Variants in DIP2B observed in about 807,000 individuals in gnomAD.
DIP2B encodes DIP2 acetate--CoA ligase B (putative), also known as disco-interacting protein 2 homolog B.
A neutral mutation model predicts 198.0 loss-of-function variants in DIP2B; 76 were observed. That is an observed-to-expected ratio of 0.38 (90% confidence interval 0.32 to 0.46). DIP2B has a LOEUF of 0.46. Ranked by LOEUF, DIP2B falls within the 20% of genes least tolerant of loss-of-function variation. The pLI is 0.99. For synonymous variants in DIP2B, 701 were observed against 739.1 expected (o/e 0.95, Z 0.84); for missense variants, 1,559 against 1,978.4 (o/e 0.79, Z 4.02).
rs761857339 is a variant in DIP2B at position 50,739,401 on chromosome 12, T to G, written c.4177-8T>G. 1.2e-6 allele frequency: 2 copies of G among 1,600,750 alleles called. No individual in the cohort carries two copies. The highest frequency in any genetic ancestry group is 1.7e-6 in the Non-Finnish European group (2 of 1,168,512). The stretch of plus-strand genomic sequence containing the variant: ...CAGTGAGTTGTGATCAAAGCACTTT[T>G]CTTGTAGATTTGGGTGAACAGTCCC... On this transcript the variant is annotated splice_polypyrimidine_tract_variant and splice_region_variant and intron_variant, in intron 35 of 37. Transcript: ENST00000301180.
intron 1 of DIP2B, among the ~76,000 whole-genome samples, chr12:50,577,394 C>T (rs1300991433): frequency 1.3e-5 from 2 of 151,926 alleles, no homozygotes; most frequent in South Asian, 2.1e-4. Context: ...TTTAGCCAGG[C>T]GTGGTGGCGG....
At chr12:50,644,995 C>T in intron 3 of DIP2B, among the ~76,000 whole-genome samples, 1 of 152,044 alleles carries the variant, frequency 6.6e-6, no homozygotes, top group Non-Finnish European at 1.5e-5. Flanking sequence ...ATTTTTCCTT[C>T]TAATATAAGG....
chr12:50,530,328 C>A (rs1958205287), intron 1 of DIP2B, among the ~76,000 whole-genome samples: 1 of 152,204 alleles, frequency 6.6e-6, no homozygotes, highest in Non-Finnish European at 1.5e-5. Flanking sequence ...GATCTGCCCG[C>A]CTCAGCCTCC....
In DIP2B at chr12:50,728,591, T is replaced by C; in HGVS notation, c.3554T>C (p.Leu1185Pro). The change falls in exon 30 of 38, where the codon CTC becomes CCC. Residue 1185 changes from leucine to proline, a missense_variant. By Grantham distance (98) the Leu-to-Pro change is moderately conservative. Transcript: ENST00000301180. ...AACGCTCTGTGTCGAGCCATCAAGC[T>C]CCAGTGTGAGTTGTACTCTTCTCGG... ...AVNALCRAIK[L>P]QCELYSSRQI... 6.2e-7 allele frequency: 1 copy of C among 1,614,164 alleles called. No individual in the cohort carries two copies. Among genetic ancestry groups the C allele is most frequent in the Non-Finnish European group, 8.5e-7 (1 of 1,180,014 alleles).
At chr12:50,531,104 G>C (rs11169480) in intron 1 of DIP2B, among the ~76,000 whole-genome samples, 37,226 of 152,126 alleles carry the variant, frequency 0.24, 5,342 homozygotes, top group East Asian at 0.37. Context: ...GGAGTGCGGT[G>C]GCGCAATCTC....
chr12:50,522,701 A>G (rs1285584059), intron 1 of DIP2B, among the ~76,000 whole-genome samples: 1 of 152,194 alleles, frequency 6.6e-6, no homozygotes, highest in African/African-American at 2.4e-5. Context: ...TCCTGCTTGT[A>G]TATACATAGT....
Position 50,689,962 on chromosome 12 carries a change from A to G in DIP2B, c.1552-1087A>G, listed in dbSNP as rs141294903. 1.2e-4 allele frequency among the ~76,000 whole-genome samples: 18 copies of G among 152,306 alleles called. No homozygotes were observed. The East Asian group carries it at 3.5e-3, about 29-fold the overall frequency. ...ATGCAAAATGTCCTTTTGATATAAC[A>G]ATCAAAAAATTGGGGCTGGTCCTAA... On this transcript the variant is annotated intron_variant, in intron 12 of 37. Coordinates refer to ENST00000301180, the MANE Select transcript of DIP2B (RefSeq NM_173602.3).
chr12:50,638,080 A>G (rs1277193933), intron 2 of DIP2B, among the ~76,000 whole-genome samples: 1 of 152,356 alleles, frequency 6.6e-6, no homozygotes, highest in South Asian at 2.1e-4. Flanking sequence ...GGTGACCTCT[A>G]GTGGATATTC....
At chr12:50,673,317 A>C (rs534108229) in intron 5 of DIP2B, among the ~76,000 whole-genome samples, 1 of 152,346 alleles carries the variant, frequency 6.6e-6, no homozygotes, top group Admixed American at 6.5e-5. Flanking sequence ...TTTACAAAAA[A>C]CTTAGAAGAA....
At chr12:50,544,006 G>A (rs1370964508) in intron 1 of DIP2B, among the ~76,000 whole-genome samples, 10 of 149,450 alleles carry the variant, frequency 6.7e-5, no homozygotes, top group African/African-American at 2.5e-4. Flanking sequence ...GAGGCTGGCA[G>A]ACCACGAGGT....
intron 1 of DIP2B, among the ~76,000 whole-genome samples, chr12:50,521,843 G>A (rs1000882390): frequency 8.6e-5 from 13 of 151,648 alleles, no homozygotes; most frequent in Admixed American, 8.5e-4. Context: ...ATAGGGTTTT[G>A]CTATGTTGCC....
Position 50,724,758 on chromosome 12 carries a change from G to T in DIP2B, c.3289-17G>T, listed in dbSNP as rs372932359. 3 of 1,612,326 alleles carry T rather than the reference G, an allele frequency of 1.9e-6. No homozygotes were observed. In the African/African-American group the frequency reaches 4.0e-5, roughly 22 times the overall value. On this transcript the variant is annotated splice_polypyrimidine_tract_variant and intron_variant, in intron 27 of 37. Transcript: ENST00000301180. Reference sequence around the variant, plus strand: ...GCTGAGCCTCCTGATGCTTATTGCTGTCCATTTGTTTTCTAGGTCAGCAAA... The same window carrying T: ...GCTGAGCCTCCTGATGCTTATTGCTTTCCATTTGTTTTCTAGGTCAGCAAA...
chr12:50,536,237 C>T (rs950014131), intron 1 of DIP2B, among the ~76,000 whole-genome samples: 1 of 151,888 alleles, frequency 6.6e-6, no homozygotes, highest in Non-Finnish European at 1.5e-5. Flanking sequence ...CCATCCCAGG[C>T]AACAAAGTGA....
chr12:50,699,059 A>G lies in DIP2B; in HGVS notation c.2189-7A>G, dbSNP rs372226504. 1 of 1,613,692 alleles carries G rather than the reference A, an allele frequency of 6.2e-7. No homozygotes were observed. Among genetic ancestry groups the G allele is most frequent in the Middle Eastern group, 1.7e-4 (1 of 6,060 alleles). On this transcript the variant is annotated splice_region_variant and splice_polypyrimidine_tract_variant and intron_variant, in intron 18 of 37. Coordinates refer to ENST00000301180, the MANE Select transcript of DIP2B (RefSeq NM_173602.3). Reference sequence around the variant, plus strand: ...TTGTCCTTTAACCTGTATTTTCTGTACGTTAGGGATGATGTGCATTGTGAA... The same window carrying G: ...TTGTCCTTTAACCTGTATTTTCTGTGCGTTAGGGATGATGTGCATTGTGAA...
Position 50,724,901 on chromosome 12 carries a change from T to A in DIP2B, c.3400+15T>A, listed in dbSNP as rs1939903255. The A allele has an allele frequency of 1.9e-6, 3 of 1,611,920 alleles. No homozygotes were observed. Among genetic ancestry groups the A allele is most frequent in the Non-Finnish European group, 2.5e-6 (3 of 1,178,086 alleles). On this transcript the variant is annotated intron_variant, in intron 28 of 37. Coordinates refer to ENST00000301180, the MANE Select transcript of DIP2B (RefSeq NM_173602.3). The stretch of plus-strand genomic sequence containing the variant: ...CATTGACACAGGTGAAAGGGAGACT[T>A]CTTCTGAGGGTGGAGGGACTGAGAG...
intron 10 of DIP2B, among the ~76,000 whole-genome samples, chr12:50,685,587 G>T (rs1351207147): frequency 1.3e-5 from 2 of 152,166 alleles, no homozygotes; most frequent in Admixed American, 6.5e-5. Flanking sequence ...GGTTACATTT[G>T]TCTGGTAGGA....
intron 1 of DIP2B, among the ~76,000 whole-genome samples, chr12:50,588,119 T>G (rs1958786081): frequency 6.6e-6 from 1 of 151,754 alleles, no homozygotes; most frequent in Non-Finnish European, 1.5e-5. Context: ...AGAAATTGAT[T>G]TGTTGGTACT....
chr12:50,518,070 G>T (rs1376618481), intron 1 of DIP2B, among the ~76,000 whole-genome samples: 2 of 152,158 alleles, frequency 1.3e-5, no homozygotes, highest in Non-Finnish European at 2.9e-5. Context: ...AGGGAACTGA[G>T]GTAGCAAAAA....
At chr12:50,732,597 C>G in intron 32 of DIP2B, 61 bp downstream of exon 32, 3 of 1,587,766 alleles carry the variant, frequency 1.9e-6, no homozygotes, top group Non-Finnish European at 2.6e-6. Context: ...TATCCCAGAG[C>G]ATGGGCTTTG....
Sources: gnomAD v4.1 joint callset for allele counts (sites outside exome capture counted in the v4.1 genomes callset) on GRCh38, gnomAD v4.1.1 for gene constraint, MANE v1.5 for transcripts, NCBI Gene and HGNC (gene_info 2026-07-23, HGNC 2026-07-21) for gene names.